TFF2: variants seen among roughly 807,000 people sequenced by gnomAD.
The protein encoded by TFF2 is spasmolysin.
Under a neutral mutation model 16.0 loss-of-function variants are expected in TFF2, and 19 were observed. That is an observed-to-expected ratio of 1.19 (90% CI 0.83 to 1.74). The LOEUF (loss-of-function observed/expected upper bound fraction) is 1.74. Among genes scored for constraint, TFF2 ranks in the 40% most tolerant of loss-of-function variants. The probability of loss-of-function intolerance (pLI) is 0.00; values close to 1 mark genes in which losing one functional copy is unlikely to be tolerated. For missense variants in TFF2, 168 were observed against 166.8 expected (o/e 1.01, Z -0.04); for synonymous variants, 61 against 65.4 (o/e 0.93, Z 0.32).
intron 2 of TFF2, among the ~76,000 whole-genome samples, chr21:42,348,504 A>AACT (rs2085146545): frequency 6.6e-6 from 1 of 152,204 alleles, no homozygotes; most frequent in Non-Finnish European, 1.5e-5. Context: ...CTGTTGAAAG[A>AACT]ACTAACAGTG....
rs555161087 is a variant in TFF2, at chr21:42,350,051, G to A, written c.80-21C>T. On this transcript the variant is annotated intron_variant, in intron 1 of 3. Coordinates refer to ENST00000291526, the MANE Select transcript of TFF2 (RefSeq NM_005423.5). ...GGGGGCTGTGGAAAGACCCTCAGTC[G>A]GCCCCACCCTGGTACCCCAGACCAC... 13 of 1,585,774 alleles carry A rather than the reference G, an allele frequency of 8.2e-6. No homozygotes were observed. The South Asian group carries it at 1.0e-4, about 13-fold the overall frequency.
rs770792335 is a variant in TFF2 at position 42,347,524 on chromosome 21, A to G, written c.338T>C (p.Phe113Ser). ...CGGGAAGAAGCACCAGGGCACTTCA[A>G]AGATGAAGTTGGAGAAGCAGCACTT... ...SRKCCFSNFI[F>S]EVPWCFFPKS... is the part of the protein sequence containing the mutation. Residue 113 changes from phenylalanine to serine, a missense_variant, in exon 3 of 4, where the codon TTT becomes TCT. Coordinates refer to ENST00000291526, the MANE Select transcript of TFF2 (RefSeq NM_005423.5). 3.1e-6 allele frequency: 5 copies of G among 1,614,050 alleles called. No individual in the cohort carries two copies. In the South Asian group the frequency reaches 3.3e-5, roughly 11 times the overall value.
chr21:42,350,883 T>A lies in TFF2; in HGVS notation c.75A>T (p.Lys25Asn), dbSNP rs746116908. Residue 25 changes from lysine (K) to asparagine (N), a missense_variant, in exon 1 of 4, where the codon AAA (lysine) becomes AAT (asparagine). Coordinates refer to ENST00000291526, the MANE Select transcript of TFF2 (RefSeq NM_005423.5). ...AAGACCCTCTCCTTCACTTACAGGG[T>A]TTCTCACTCCCCGCCAGGGCACATA... is the stretch of plus-strand genomic sequence containing the variant. Reference protein sequence around the residue: ...LGLCALAGSEKPSPCQCSRLS... With the variant: ...LGLCALAGSENPSPCQCSRLS... 67 of 1,612,158 alleles carry A rather than the reference T, an allele frequency of 4.2e-5. No homozygotes were observed. The highest frequency in any genetic ancestry group is 5.7e-5 in the Non-Finnish European group (67 of 1,179,428).
chr21:42,349,923 C>A lies in TFF2; in HGVS notation c.187G>T (p.Val63Phe), dbSNP rs766698353. The A allele has an allele frequency of 2.5e-6, 4 of 1,601,214 alleles. No individual in the cohort carries two copies. In the South Asian group the frequency reaches 4.5e-5, roughly 18 times the overall value. The part of the protein sequence containing the change: ...FDNGCCFDSS[V>F]TGVPWCFHPL... ...TGGAAACACCAGGGGACCCCAGTGA[C>A]ACTGGAGTCGAAACAGCATCCATTG... Residue 63 changes from valine to phenylalanine, a missense_variant, in exon 2 of 4, where the codon GTC becomes TTC. Physicochemically the swap from Val to Phe is conservative, Grantham distance 50. Coordinates refer to ENST00000291526, the MANE Select transcript of TFF2 (RefSeq NM_005423.5).
intron 1 of TFF2, 32 bp from the exon 2 acceptor site, chr21:42,350,062 G>T (rs765729578): frequency 7.6e-6 from 12 of 1,576,502 alleles, no homozygotes; most frequent in Non-Finnish European, 1.0e-5. Flanking sequence ...GCCCCACCCT[G>T]GTACCCCAGA....
chr21:42,349,997 T>A lies in TFF2; in HGVS notation c.113A>T (p.Asn38Ile). 6.2e-7 allele frequency: 1 copy of A among 1,600,738 alleles called. No individual in the cohort carries two copies. The highest frequency in any genetic ancestry group is 1.3e-5 in the African/African-American group (1 of 74,916). Residue 38 changes from asparagine to isoleucine, a missense_variant, in exon 2 of 4, where the codon AAC (asparagine) becomes ATC (isoleucine). By Grantham distance (149) the Asn-to-Ile change is moderately radical. Coordinates refer to ENST00000291526, the MANE Select transcript of TFF2 (RefSeq NM_005423.5). Reference sequence around the variant, plus strand: ...TCCAGGGAAGCCGCAGTTCGTCCTGTTATGGGGGCTCAGCCTGGAGCACTG... The same window carrying A: ...TCCAGGGAAGCCGCAGTTCGTCCTGATATGGGGGCTCAGCCTGGAGCACTG... ...PCQCSRLSPH[N>I]RTNCGFPGIT...
rs1314520474 is a variant in TFF2 at position 42,346,437 on chromosome 21, C to T, written c.*96G>A. On this transcript the variant is annotated 3_prime_UTR_variant, in exon 4 of 4. Transcript: ENST00000291526. ...TGAGGAAAAGATGGTTAAGAAAACC[C>T]AGGATTTCATGAAGTATGAAGCTGA... 1 of 1,480,338 alleles carries T rather than the reference C, an allele frequency of 6.8e-7. No homozygotes were observed. The highest frequency in any genetic ancestry group is 1.4e-5 in the African/African-American group (1 of 70,492). 91.7% of individuals were successfully genotyped at this position (1,480,338 alleles called of 1,614,324 possible). A position where few individuals can be genotyped will look rare whatever the true frequency, so the allele number is the denominator to read the frequency against.
At chr21:42,350,768 C>A in intron 1 of TFF2, 111 bp downstream of exon 1, 1 of 1,148,626 alleles carries the variant, frequency 8.7e-7, no homozygotes, top group South Asian at 1.6e-5. Flanking sequence ...ACACACATTG[C>A]CAGATGCCTT....
At chr21:42,347,786 G>A (rs1015393061) in intron 2 of TFF2, among the ~76,000 whole-genome samples, 154 bp from the exon 3 acceptor site, 3 of 151,904 alleles carry the variant, frequency 2.0e-5, no homozygotes, top group Non-Finnish European at 4.4e-5. Context: ...GGCCTCCCCC[G>A]GGGACTGTGG....
chr21:42,348,327 C>A (rs559432611), intron 2 of TFF2, among the ~76,000 whole-genome samples: 2 of 152,332 alleles, frequency 1.3e-5, no homozygotes, highest in East Asian at 3.9e-4. Context: ...CCTTCCCTAA[C>A]ATTTGAGGGC....
intron 2 of TFF2, among the ~76,000 whole-genome samples, chr21:42,348,388 G>A (rs1487184340): frequency 6.6e-6 from 1 of 151,992 alleles, no homozygotes; most frequent in Non-Finnish European, 1.5e-5. Context: ...ATTTCCCCAT[G>A]GAAGCTTCTT....
At chr21:42,348,256 G>A (rs889622193) in intron 2 of TFF2, among the ~76,000 whole-genome samples, 2 of 152,022 alleles carry the variant, frequency 1.3e-5, no homozygotes, top group Non-Finnish European at 1.5e-5. Flanking sequence ...TTACAACTTG[G>A]GTCCTGATCC....
intron 2 of TFF2, among the ~76,000 whole-genome samples, chr21:42,348,821 AC>A (rs1050554903): frequency 6.6e-6 from 1 of 152,060 alleles, no homozygotes. Context: ...AACCTGGGCT[AC>A]CTCTAGACTA....
At chr21:42,347,454 G>A (rs2052077810) in intron 3 of TFF2, 32 bp downstream of exon 3, 2 of 1,613,592 alleles carry the variant, frequency 1.2e-6, no homozygotes, top group East Asian at 4.5e-5. Flanking sequence ...TGGTGTCCGG[G>A]AACCAGACAG....
intron 2 of TFF2, 46 bp from the exon 3 acceptor site, chr21:42,347,678 T>C (rs1446217154): frequency 6.2e-7 from 1 of 1,600,156 alleles, no homozygotes; most frequent in Admixed American, 1.7e-5. Flanking sequence ...AGGCCTGCTG[T>C]GCCCTGGAAA....
intron 2 of TFF2, among the ~76,000 whole-genome samples, 153 bp downstream of exon 2, chr21:42,349,728 G>A (rs938412858): frequency 1.3e-5 from 2 of 152,266 alleles, no homozygotes; most frequent in Non-Finnish European, 2.9e-5. Context: ...GCTAGCCCCA[G>A]ACTAACCAAC....
Position 42,346,563 on chromosome 21 carries a change from A to G in TFF2, c.377-17T>C, listed in dbSNP as rs374783827. 6.9e-6 allele frequency: 11 copies of G among 1,592,500 alleles called. No homozygotes were observed. In the African/African-American group the frequency reaches 8.2e-5, roughly 12 times the overall value. On this transcript the variant is annotated splice_polypyrimidine_tract_variant and intron_variant, in intron 3 of 3. Transcript: ENST00000291526. The stretch of plus-strand genomic sequence containing the variant: ...AATGGCAGTCTAGAAGTTTAAATGC[A>G]AGATGGTTGGTAAGGGAACCCCAGA...
At position 42,350,795 on chromosome 21, in the gene TFF2, C is replaced by T; in HGVS notation, c.79+84G>A. On this transcript the variant is annotated intron_variant, in intron 1 of 3. Transcript: ENST00000291526. ...AGATGCCTTTATAGCCATTCCCCCT[C>T]TCAAGTTAATTTATGGTTGTGCTTT... 2.8e-6 allele frequency: 4 copies of T among 1,416,166 alleles called. No homozygotes were observed. In the South Asian group the frequency reaches 3.9e-5, roughly 14 times the overall value. 87.7% of individuals were successfully genotyped at this position (1,416,166 alleles called of 1,614,324 possible).
intron 2 of TFF2, 85 bp from the exon 3 acceptor site, chr21:42,347,717 C>T (rs1268320523): frequency 2.0e-6 from 3 of 1,521,372 alleles, no homozygotes; most frequent in Non-Finnish European, 2.7e-6. Context: ...CTGAGAGCAG[C>T]GCTGATTTGC....
Sources: gnomAD v4.1 joint callset for allele counts (sites outside exome capture counted in the v4.1 genomes callset) on GRCh38, gnomAD v4.1.1 for gene constraint, MANE v1.5 for transcripts, NCBI Gene and HGNC (gene_info 2026-07-23, HGNC 2026-07-21) for gene names.